H6PD: variants seen among roughly 807,000 people sequenced by gnomAD.
H6PD encodes the protein hexose-6-phosphate dehydrogenase/glucose 1-dehydrogenase.
H6PD carries 48 observed loss-of-function variants against 61.2 expected under a neutral mutation model. That is an observed-to-expected ratio of 0.78 (90% CI 0.62 to 1.00). The LOEUF (loss-of-function observed/expected upper bound fraction) is 1.00. Ranked by LOEUF, H6PD falls within the 50% of genes least tolerant of loss-of-function variation. The probability of loss-of-function intolerance (pLI) is 0.00; values close to 1 mark genes in which losing one functional copy is unlikely to be tolerated. For missense variants in H6PD, 1,093 were observed against 1,065.0 expected (o/e 1.03, Z -0.37); for synonymous variants, 480 against 457.9 (o/e 1.05, Z -0.62).
At chr1:9,242,380 CCA>C (rs1261939310) in intron 1 of H6PD, among the ~76,000 whole-genome samples, 1 of 152,054 alleles carries the variant, frequency 6.6e-6, no homozygotes, top group Non-Finnish European at 1.5e-5. Context: ...CTACCCCCAC[CCA>C]TTTAGGAAAG....
At chr1:9,262,552 T>C (rs1345780772) in intron 4 of H6PD, among the ~76,000 whole-genome samples, 1 of 152,218 alleles carries the variant, frequency 6.6e-6, no homozygotes, top group East Asian at 1.9e-4. Context: ...CCAATGGCCA[T>C]GGCCTCGTGT....
intron 3 of H6PD, among the ~76,000 whole-genome samples, chr1:9,252,560 C>CT (rs921507963): frequency 4.5e-4 from 69 of 152,116 alleles, no homozygotes; most frequent in African/African-American, 1.7e-3. Flanking sequence ...ACTTTGTGAG[C>CT]TTTTTTTAAA....
intron 3 of H6PD, among the ~76,000 whole-genome samples, chr1:9,256,453 G>A (rs549430256): frequency 6.6e-6 from 1 of 152,308 alleles, no homozygotes; most frequent in South Asian, 2.1e-4. Context: ...TGGTGCTGCT[G>A]TCGGGAATGG....
intron 3 of H6PD, among the ~76,000 whole-genome samples, chr1:9,260,934 C>G (rs1324973970): frequency 6.6e-6 from 1 of 152,088 alleles, no homozygotes; most frequent in Non-Finnish European, 1.5e-5. Flanking sequence ...CATCCCTCTG[C>G]TCAGGCCCCA....
In H6PD at chr1:9,265,419, T is replaced by A. The variant is rs1309178240; in HGVS notation, c.*550T>A. 5.4e-6 allele frequency: 1 copy of A among 184,740 alleles called. No homozygotes were observed. Among genetic ancestry groups the A allele is most frequent in the African/African-American group, 2.4e-5 (1 of 42,272 alleles). The allele number at this position is 184,740 out of a possible 1,614,324, so 11.4% of individuals were successfully genotyped here. The stretch of plus-strand genomic sequence containing the variant: ...GGGGTCAAGCCCCTCCTTCCCCAGC[T>A]GCCCCTCCTTCTAGAACCTCTGCAC... On this transcript the variant is annotated 3_prime_UTR_variant, in exon 5 of 5. Transcript: ENST00000377403.
rs376082528 is a variant in H6PD at position 9,251,318 on chromosome 1, C to T, written c.745+4235C>T. Among the ~76,000 whole-genome samples, 14 of 152,324 alleles carry T rather than the reference C, an allele frequency of 9.2e-5. No individual in the cohort carries two copies. The East Asian group carries it at 2.3e-3, about 25-fold the overall frequency. Reference sequence around the variant, plus strand: ...GGCACCTCAGAGCCTGAGCCTCTAACCACTGAGCTCCACAGCCTCCCCAGC... The same window carrying T: ...GGCACCTCAGAGCCTGAGCCTCTAATCACTGAGCTCCACAGCCTCCCCAGC... On this transcript the variant is annotated intron_variant, in intron 3 of 4. Coordinates refer to ENST00000377403, the MANE Select transcript of H6PD (RefSeq NM_004285.4).
intron 1 of H6PD, among the ~76,000 whole-genome samples, chr1:9,238,198 G>A (rs969685234): frequency 6.6e-6 from 1 of 152,172 alleles, no homozygotes; most frequent in Non-Finnish European, 1.5e-5. Context: ...TTGGCCAGGC[G>A]GAGAGAACAA....
At chr1:9,242,579 G>C (rs1641030726) in intron 1 of H6PD, 1 of 985,374 alleles carries the variant, frequency 1.0e-6, no homozygotes, top group African/African-American at 1.7e-5. Flanking sequence ...CAGGATTAAA[G>C]AGAGGGCCAG....
At position 9,263,511 on chromosome 1, in the gene H6PD, G is replaced by A. The variant is rs142773575; in HGVS notation, c.1018G>A (p.Val340Ile). Reference sequence around the variant, plus strand: ...CCTCTGCTGTTCCCTCACCCCAGCCGTCCTAGTGCACATTGACAACCTTCG... The same window carrying A: ...CCTCTGCTGTTCCCTCACCCCAGCCATCCTAGTGCACATTGACAACCTTCG... ...FHSLTPTFAA[V>I]LVHIDNLRWE... Residue 340 changes from valine to isoleucine, a missense_variant and splice_region_variant, in exon 5 of 5, where the codon GTC (valine) becomes ATC (isoleucine). Physicochemically the swap from Val to Ile is conservative, Grantham distance 29. Coordinates refer to ENST00000377403, the MANE Select transcript of H6PD (RefSeq NM_004285.4). The A allele has an allele frequency of 4.2e-5, 67 of 1,613,878 alleles. No homozygotes were observed. Among genetic ancestry groups the A allele is most frequent in the Admixed American group, 1.8e-4 (11 of 60,012 alleles).
Position 9,254,309 on chromosome 1 carries a change from C to G in H6PD, c.745+7226C>G, listed in dbSNP as rs945669337. 6.6e-6 allele frequency among the ~76,000 whole-genome samples: 1 copy of G among 152,110 alleles called. No homozygotes were observed. Among genetic ancestry groups the G allele is most frequent in the Non-Finnish European group, 1.5e-5 (1 of 68,016 alleles). On this transcript the variant is annotated intron_variant, in intron 3 of 4. Transcript: ENST00000377403. The surrounding 1 kb of genome is among the most constrained non-coding windows in gnomAD (Gnocchi z 4.6). ...GGCGAAGGTTACAGTGAGCCAAGAT[C>G]GCGCCACTGCACTGCAGCCTGGGTA... is the stretch of plus-strand genomic sequence containing the variant.
rs771105430 is a variant in H6PD at position 9,264,806 on chromosome 1, G to A, written c.2313G>A (p.Ser771=). Reference sequence around the variant, plus strand: ...ATGAGCCCAAGAAGTGGCCCATCTCGGGTGTCCTGCCGCACTCCGGCCAGC... The same window carrying A: ...ATGAGCCCAAGAAGTGGCCCATCTCAGGTGTCCTGCCGCACTCCGGCCAGC... The part of the protein sequence containing the change: ...VGHEPKKWPI[S]GVLPHSGQLV... Residue 771 remains serine (S), a synonymous_variant, in exon 5 of 5, where the codon TCG becomes TCA. Coordinates refer to ENST00000377403, the MANE Select transcript of H6PD (RefSeq NM_004285.4). 30 of 1,612,800 alleles carry A rather than the reference G, an allele frequency of 1.9e-5. No homozygotes were observed. Among genetic ancestry groups the A allele is most frequent in the African/African-American group, 4.0e-5 (3 of 74,938 alleles).
rs147999961 is a variant in H6PD, at chr1:9,269,191, G to A, written c.*4322G>A. On this transcript the variant is annotated 3_prime_UTR_variant, in exon 5 of 5. Coordinates refer to ENST00000377403, the MANE Select transcript of H6PD (RefSeq NM_004285.4). The surrounding 1 kb of genome is among the most constrained non-coding windows in gnomAD (Gnocchi z 4.3). ...GAGACTCCAGAGGGTGAAGATCTGCGGTCTCCAGACATCATAGGCCATGTG... is the reference window on the plus strand; with the variant it reads ...GAGACTCCAGAGGGTGAAGATCTGCAGTCTCCAGACATCATAGGCCATGTG... 9.8e-5 allele frequency: 15 copies of A among 152,322 alleles called. No homozygotes were observed. Among genetic ancestry groups the A allele is most frequent in the African/African-American group, 2.6e-4 (11 of 41,552 alleles). The allele number at this position is 152,322 out of a possible 1,614,324, so 9.4% of individuals were successfully genotyped here. A position where few individuals can be genotyped will look rare whatever the true frequency, so the allele number is the denominator to read the frequency against.
chr1:9,267,612 G>A lies in H6PD; in HGVS notation c.*2743G>A, dbSNP rs1246237659. ...ATCTGTGCAGAGTGGGTGTGGGAGT[G>A]TGGGTGAGGGTCGAAATGCCAAAGG... On this transcript the variant is annotated 3_prime_UTR_variant, in exon 5 of 5. Transcript: ENST00000377403. 2 of 152,312 alleles carry A rather than the reference G, an allele frequency of 1.3e-5. No homozygotes were observed. Among genetic ancestry groups the A allele is most frequent in the African/African-American group, 4.8e-5 (2 of 41,458 alleles). 9.4% of individuals were successfully genotyped at this position (152,312 alleles called of 1,614,324 possible).
chr1:9,247,212 C>T, intron 3 of H6PD, 129 bp downstream of exon 3: 1 of 742,740 alleles, frequency 1.3e-6, no homozygotes, highest in Non-Finnish European at 2.4e-6. Flanking sequence ...CTGCCGTGTG[C>T]CTAGCTCTGA....
At chr1:9,256,912 G>A (rs943019724) in intron 3 of H6PD, among the ~76,000 whole-genome samples, 1 of 152,036 alleles carries the variant, frequency 6.6e-6, no homozygotes, top group African/African-American at 2.4e-5. Context: ...TAAACAACCT[G>A]TTGTTTAATT....
In H6PD at chr1:9,263,570, C is replaced by G; in HGVS notation, c.1077C>G (p.Gly359=). The change falls in exon 5 of 5, where the codon GGC becomes GGG. Residue 359 remains glycine (G), a synonymous_variant. Coordinates refer to ENST00000377403, the MANE Select transcript of H6PD (RefSeq NM_004285.4). The part of the protein sequence containing the change: ...WEGVPFILMS[G]KALDERVGYA... ...GCGTGCCTTTCATCCTGATGTCTGG[C>G]AAAGCCTTGGACGAGAGAGTGGGCT... 6.2e-7 allele frequency: 1 copy of G among 1,614,204 alleles called. No homozygotes were observed. Among genetic ancestry groups the G allele is most frequent in the Non-Finnish European group, 8.5e-7 (1 of 1,179,986 alleles).
intron 3 of H6PD, among the ~76,000 whole-genome samples, chr1:9,253,405 G>A (rs1167281654): frequency 6.6e-6 from 1 of 152,172 alleles, no homozygotes; most frequent in Non-Finnish European, 1.5e-5. Flanking sequence ...ACTCTGTTGT[G>A]TTCCCTTCAT....
intron 3 of H6PD, among the ~76,000 whole-genome samples, chr1:9,255,586 G>A (rs76416892): frequency 0.058 from 8,777 of 152,134 alleles, 314 homozygotes; most frequent in Admixed American, 0.088. Context: ...CAGGCCTTAG[G>A]TCCCTTTCAA....
chr1:9,258,202 C>T (rs948074539), intron 3 of H6PD, among the ~76,000 whole-genome samples: 13 of 151,980 alleles, frequency 8.6e-5, no homozygotes, highest in Non-Finnish European at 1.5e-4. Flanking sequence ...GGTGTTGTTA[C>T]GCCAGTGTTG....
Sources: gnomAD v4.1 joint callset for allele counts (sites outside exome capture counted in the v4.1 genomes callset) on GRCh38, gnomAD v4.1.1 for gene constraint, Gnocchi (gnomAD v3.1) non-coding constraint, MANE v1.5 for transcripts, NCBI Gene and HGNC (gene_info 2026-07-23, HGNC 2026-07-21) for gene names.